The following ARMH4 variants were observed in gnomAD, a reference collection of about 807,000 sequenced individuals.
ARMH4 encodes armadillo-like helical domain-containing protein 4.
ARMH4 carries 49 observed loss-of-function variants against 61.9 expected under a neutral mutation model. The ratio of observed to expected loss-of-function variants is 0.79; its 90% CI spans 0.63 to 1.00. The LOEUF is 1.00. ARMH4 is among the 50% of genes least tolerant of loss of function. The pLI is 0.00. For synonymous variants in ARMH4, 368 were observed against 341.5 expected, an observed-to-expected ratio of 1.08 and a Z score of -0.85; for missense variants, 934 against 930.0, an observed-to-expected ratio of 1.00 and a Z score of -0.06.
rs1281397954 is a variant in ARMH4 at position 58,138,566 on chromosome 14, T to A, written c.793A>T (p.Thr265Ser). 1 of 1,614,152 alleles carries A rather than the reference T, an allele frequency of 6.2e-7. No individual in the cohort carries two copies. Among genetic ancestry groups the A allele is most frequent in the Non-Finnish European group, 8.5e-7 (1 of 1,180,034 alleles). Residue 265 changes from threonine (T) to serine (S), a missense_variant, in exon 2 of 8, where the codon ACC (threonine) becomes TCC (serine). By Grantham distance (58) the Thr-to-Ser change is moderately conservative. Coordinates refer to ENST00000267485, the MANE Select transcript of ARMH4 (RefSeq NM_001001872.4). The stretch of plus-strand genomic sequence containing the variant: ...GGTTGCTTGGTGGCAGCAGCCTGGG[T>A]GTTATCAGCTGTCATCTGCGAAGGC... The part of the protein sequence containing the change: ...EKPSQMTADN[T>S]QAAATKQPLE...
chr14:58,132,003 A>AT (rs1322893572), intron 3 of ARMH4, among the ~76,000 whole-genome samples: 1 of 152,234 alleles, frequency 6.6e-6, no homozygotes, highest in Non-Finnish European at 1.5e-5. Context: ...AATATTATGG[A>AT]TGTTGTAAGA....
rs770912813 is a variant in ARMH4 at position 58,138,660 on chromosome 14, TG to T, written c.698del (p.Thr233LysfsTer28). The T allele has an allele frequency of 4.4e-4, 705 of 1,614,070 alleles. No homozygotes were observed. The highest frequency in any genetic ancestry group is 5.6e-4 in the Non-Finnish European group (666 of 1,180,034). ...EKFEADTDHR[T>X]TSFPGAESTA... ...TGGACTCAGCACCAGGAAAAGAAGT[TG>T]TCCTGTGGTCTGTGTCTGCTTCAAA... On this transcript the variant is annotated frameshift_variant, in exon 2 of 8. Coordinates refer to ENST00000267485, the MANE Select transcript of ARMH4 (RefSeq NM_001001872.4). LOFTEE classifies it high-confidence loss of function.
chr14:58,001,371 G>T lies in ARMH4; in HGVS notation c.*3365C>A, dbSNP rs901170705. 2.0e-5 allele frequency: 3 copies of T among 152,116 alleles called. No individual in the cohort carries two copies. The highest frequency in any genetic ancestry group is 7.2e-5 in the African/African-American group (3 of 41,404). The allele number at this position is 152,116 out of a possible 1,614,324, so 9.4% of individuals were successfully genotyped here. A position where few individuals can be genotyped will look rare whatever the true frequency, so the allele number is the denominator to read the frequency against. On this transcript the variant is annotated 3_prime_UTR_variant, in exon 8 of 8. Coordinates refer to ENST00000267485, the MANE Select transcript of ARMH4 (RefSeq NM_001001872.4). ...ATAAGCATAAGCAATGAACACAGGC[G>T]TACAGATACTTCTTCAAGATCCTGA...
intron 4 of ARMH4, among the ~76,000 whole-genome samples, chr14:58,112,241 GTGTT>G (rs1349882671): frequency 1.4e-5 from 2 of 147,018 alleles, no homozygotes; most frequent in African/African-American, 5.0e-5. Flanking sequence ...TGATATATTT[GTGTT>G]TGTTACTTTA....
At chr14:58,051,488 G>A (rs1470935678) in intron 5 of ARMH4, among the ~76,000 whole-genome samples, 2 of 152,172 alleles carry the variant, frequency 1.3e-5, no homozygotes, top group Non-Finnish European at 2.9e-5. Context: ...TGATGGAACT[G>A]TCAGCCCAGC....
chr14:58,138,891 A>C lies in ARMH4; in HGVS notation c.468T>G (p.Thr156=), dbSNP rs1887424847. The C allele has an allele frequency of 1.2e-6, 2 of 1,614,102 alleles. No homozygotes were observed. Among genetic ancestry groups the C allele is most frequent in the South Asian group, 2.2e-5 (2 of 91,090 alleles). ...TIAITATPSL[T]VDEKEELLTS... ...TAAGGAGTTCCTCCTTTTCATCAAC[A>C]GTCAGAGAAGGAGTCGCAGTGATAG... The change falls in exon 2 of 8, where the codon ACT becomes ACG. Residue 156 remains threonine, a synonymous_variant. Transcript: ENST00000267485.
intron 6 of ARMH4, among the ~76,000 whole-genome samples, chr14:58,008,315 C>T (rs997014411): frequency 6.6e-6 from 1 of 152,098 alleles, no homozygotes; most frequent in African/African-American, 2.4e-5. Context: ...AAACAGCAGG[C>T]GCATCCAGGT....
rs574270337 is a variant in ARMH4 at position 58,042,404 on chromosome 14, G to C, written c.2090-30254C>G. Among the ~76,000 whole-genome samples, 42 of 152,230 alleles carry C rather than the reference G, an allele frequency of 2.8e-4. No individual in the cohort carries two copies. In the East Asian group the frequency reaches 7.7e-3, roughly 28 times the overall value. ...TAAAGATGTTCTTTAAAACCAATGA[G>C]AACAAAGACACAACATACCAGAATC... On this transcript the variant is annotated intron_variant, in intron 5 of 7. Transcript: ENST00000267485.
rs368698295 is a variant in ARMH4, at chr14:58,139,058, C to A, written c.301G>T (p.Ala101Ser). ...GGGCGTTCTGTTTGCATGAGCCCAG[C>A]TTGTCCAGGCTGGGTTTCTTTGTTA... ...SINKETQPGQ[A>S]GLMQTERPGV... Residue 101 changes from alanine to serine, a missense_variant, in exon 2 of 8, where the codon GCT (alanine) becomes TCT (serine). By Grantham distance (99) the Ala-to-Ser change is moderately conservative. Coordinates refer to ENST00000267485, the MANE Select transcript of ARMH4 (RefSeq NM_001001872.4). The A allele has an allele frequency of 6.2e-7, 1 of 1,614,136 alleles. No individual in the cohort carries two copies. The highest frequency in any genetic ancestry group is 1.1e-5 in the South Asian group (1 of 91,094).
At chr14:58,031,145 G>C (rs1883214908) in intron 5 of ARMH4, among the ~76,000 whole-genome samples, 1 of 152,190 alleles carries the variant, frequency 6.6e-6, no homozygotes, top group Admixed American at 6.5e-5. Context: ...TTAAAATGAA[G>C]ACTGCAGTTA....
At chr14:58,147,647 A>G (rs1887779498) in intron 1 of ARMH4, among the ~76,000 whole-genome samples, 1 of 152,178 alleles carries the variant, frequency 6.6e-6, no homozygotes, top group Non-Finnish European at 1.5e-5. Context: ...GCAATAATCA[A>G]TCAAAGACAG....
rs557265991 is a variant in ARMH4, at chr14:58,097,941, T to C, written c.1832-960A>G. Among the ~76,000 whole-genome samples, 5 of 152,296 alleles carry C rather than the reference T, an allele frequency of 3.3e-5. No individual in the cohort carries two copies. In the East Asian group the frequency reaches 9.6e-4, roughly 29 times the overall value. ...CATATGATTCCCAATTTCATTTTGT[T>C]TCACCAATGTTAATTTCCTAGTAAT... On this transcript the variant is annotated intron_variant, in intron 4 of 7. Coordinates refer to ENST00000267485, the MANE Select transcript of ARMH4 (RefSeq NM_001001872.4).
intron 1 of ARMH4, among the ~76,000 whole-genome samples, chr14:58,140,576 A>AAAAT (rs142870008): frequency 0.067 from 9,980 of 149,520 alleles, 525 homozygotes; most frequent in African/African-American, 0.15. Context: ...ATCCGTCTCA[A>AAAAT]AAATAAATAA....
chr14:58,048,920 G>C (rs578171459), intron 5 of ARMH4, among the ~76,000 whole-genome samples: 1 of 152,112 alleles, frequency 6.6e-6, no homozygotes, highest in African/African-American at 2.4e-5. Context: ...CCTCACTGAT[G>C]AGAGAAACAA....
intron 5 of ARMH4, among the ~76,000 whole-genome samples, chr14:58,088,681 C>A (rs1226645367): frequency 1.3e-5 from 2 of 152,186 alleles, no homozygotes; most frequent in Non-Finnish European, 2.9e-5. Context: ...TGAGTATACA[C>A]CTCCATGGTC....
intron 5 of ARMH4, among the ~76,000 whole-genome samples, chr14:58,091,118 G>A (rs796495351): frequency 1.7e-4 from 25 of 149,956 alleles, no homozygotes; most frequent in African/African-American, 5.2e-4. Context: ...AGGCTGAGGC[G>A]GGAGAATCAC....
At chr14:58,028,601 C>A (rs1345634892) in intron 5 of ARMH4, among the ~76,000 whole-genome samples, 1 of 152,162 alleles carries the variant, frequency 6.6e-6, no homozygotes, top group East Asian at 1.9e-4. Flanking sequence ...CTGTCCTCCA[C>A]CAGCCAAGGC....
At chr14:58,141,569 G>C in intron 1 of ARMH4, 2 of 503,866 alleles carry the variant, frequency 4.0e-6, no homozygotes, top group Non-Finnish European at 7.9e-6. Flanking sequence ...ATGATCTGCT[G>C]CAAGTGCTAT....
In ARMH4 at chr14:58,138,071, C is replaced by T. The variant is rs778994236; in HGVS notation, c.1288G>A (p.Ala430Thr). Residue 430 changes from alanine (A) to threonine (T), a missense_variant, in exon 2 of 8, where the codon GCC becomes ACC. Physicochemically the swap from Ala to Thr is moderately conservative, Grantham distance 58. Coordinates refer to ENST00000267485, the MANE Select transcript of ARMH4 (RefSeq NM_001001872.4). ...ACAGTGGTTTCTAAGAAAAACAGGG[C>T]ATCGTTTTCCTTGGTGGATTCCGTG... ...DFTESTKEND[A>T]LFFLETTVSV... is the part of the protein sequence containing the mutation. The T allele has an allele frequency of 1.2e-6, 2 of 1,614,204 alleles. No individual in the cohort carries two copies. Among genetic ancestry groups the T allele is most frequent in the East Asian group, 2.2e-5 (1 of 44,890 alleles).
Sources: allele counts gnomAD v4.1 joint callset (sites outside exome capture counted in the v4.1 genomes callset), GRCh38; gene constraint gnomAD v4.1.1; transcripts MANE v1.5; gene names NCBI Gene and HGNC (gene_info 2026-07-23, HGNC 2026-07-21).